ITPR1: variants seen among roughly 807,000 people sequenced by gnomAD.
ITPR1 encodes inositol 1,4,5-trisphosphate-gated calcium channel ITPR1.
In ITPR1, 96 loss-of-function variants were observed where a neutral mutation model predicts 318.4. The ratio of observed to expected loss-of-function variants is 0.30; its 90% CI spans 0.26 to 0.36. ITPR1 has a LOEUF of 0.36. Ranked by LOEUF, ITPR1 falls within the 10% of genes least tolerant of loss-of-function variation. ITPR1 has a pLI of 1.00. For missense variants in ITPR1, 2,440 were observed against 3,460.2 expected, an observed-to-expected ratio of 0.71 and a Z score of 7.40; for synonymous variants, 1,312 against 1,289.9, an observed-to-expected ratio of 1.02 and a Z score of -0.37.
chr3:4,787,888 T>C (rs2047306666), intron 51 of ITPR1, 59 bp from the exon 52 acceptor site: 2 of 1,234,816 alleles, frequency 1.6e-6, no homozygotes, highest in Non-Finnish European at 2.3e-6. Context: ...CAGTAGCAAA[T>C]AGTCTTAGTA....
chr3:4,567,478 C>T (rs922316094), intron 4 of ITPR1, among the ~76,000 whole-genome samples: 1 of 152,084 alleles, frequency 6.6e-6, no homozygotes, highest in Admixed American at 6.5e-5. Context: ...ATGGAACATG[C>T]TAGACTCCAA....
rs201819900 is a variant in ITPR1 at position 4,768,911 on chromosome 3, C to CTT, written c.5979+152_5979+153dup. 220 of 679,610 alleles carry CTT rather than the reference C, an allele frequency of 3.2e-4. 2 individuals carry two copies. Among genetic ancestry groups the CTT allele is most frequent in the South Asian group, 6.1e-4 (25 of 41,034 alleles). The allele number at this position is 679,610 out of a possible 1,614,324, so 42.1% of individuals were successfully genotyped here. A position where few individuals can be genotyped will look rare whatever the true frequency, so the allele number is the denominator to read the frequency against. On this transcript the variant is annotated intron_variant, in intron 46 of 61. Transcript: ENST00000649015. The stretch of plus-strand genomic sequence containing the variant: ...TTCTTTTTTTTCCTTTTTCTTTTTT[C>CTT]TTTTTTCTTTTTTTTTGAGATGGAG...
At position 4,669,525 on chromosome 3, in the gene ITPR1, A is replaced by C. The variant is rs768753771; in HGVS notation, c.1887-129A>C. 1.6e-5 allele frequency: 13 copies of C among 807,358 alleles called. No individual in the cohort carries two copies. The East Asian group carries it at 4.3e-4, about 26-fold the overall frequency. 50.0% of individuals were successfully genotyped at this position (807,358 alleles called of 1,614,324 possible). ...GGTGATGCCATAAACATTGGCATCA[A>C]GACTTAGAATGCTGCTGACATGTCT... On this transcript the variant is annotated intron_variant, in intron 18 of 61. Coordinates refer to ENST00000649015, the MANE Select transcript of ITPR1 (RefSeq NM_001378452.1).
At chr3:4,530,793 A>AACC (rs1249888654) in intron 4 of ITPR1, among the ~76,000 whole-genome samples, 2 of 151,826 alleles carry the variant, frequency 1.3e-5, no homozygotes, top group African/African-American at 2.4e-5. Flanking sequence ...CAACAACAAC[A>AACC]ACCCCTAAAA....
intron 4 of ITPR1, among the ~76,000 whole-genome samples, chr3:4,537,984 A>G (rs2084039821): frequency 6.6e-6 from 1 of 152,100 alleles, no homozygotes; most frequent in South Asian, 2.1e-4. Flanking sequence ...TTTTGGCTTT[A>G]TTAATTCTTT....
chr3:4,593,801 C>T (rs916431994), intron 4 of ITPR1, among the ~76,000 whole-genome samples: 5 of 152,144 alleles, frequency 3.3e-5, no homozygotes, highest in Non-Finnish European at 5.9e-5. Context: ...CAAAGACACA[C>T]AGGATATGGT....
rs1347973326 is a variant in ITPR1, at chr3:4,710,520, G to A, written c.4991+47G>A. On this transcript the variant is annotated intron_variant, in intron 38 of 61. Coordinates refer to ENST00000649015, the MANE Select transcript of ITPR1 (RefSeq NM_001378452.1). The surrounding 1 kb of genome is among the most constrained non-coding windows in gnomAD (Gnocchi z 4.2). Reference sequence around the variant, plus strand: ...GGTGTTCATTTGCCAGAACCTTGATGACCTCACAAAGCTTTTGTTCCCGAA... The same window carrying A: ...GGTGTTCATTTGCCAGAACCTTGATAACCTCACAAAGCTTTTGTTCCCGAA... 2.6e-6 allele frequency: 4 copies of A among 1,530,578 alleles called. No individual in the cohort carries two copies. Among genetic ancestry groups the A allele is most frequent in the African/African-American group, 1.4e-5 (1 of 72,522 alleles). The allele number at this position is 1,530,578 out of a possible 1,614,324, so 94.8% of individuals were successfully genotyped here. A position where few individuals can be genotyped will look rare whatever the true frequency, so the allele number is the denominator to read the frequency against.
At chr3:4,668,474 CT>C (rs1178038594) in intron 18 of ITPR1, among the ~76,000 whole-genome samples, 66 of 145,982 alleles carry the variant, frequency 4.5e-4, no homozygotes, top group Admixed American at 6.2e-4. Context: ...TTCCCTTTTT[CT>C]TTTTTTTTTT....
intron 37 of ITPR1, 93 bp downstream of exon 37, chr3:4,706,444 CTGGGCCG>C: frequency 8.6e-7 from 1 of 1,162,262 alleles, no homozygotes; most frequent in Non-Finnish European, 1.2e-6. Flanking sequence ...AGCATCTAAG[CTGGGCCG>C]TGGGAAGATG....
intron 4 of ITPR1, among the ~76,000 whole-genome samples, chr3:4,539,747 A>C (rs995741336): frequency 6.6e-6 from 1 of 152,094 alleles, no homozygotes; most frequent in Non-Finnish European, 1.5e-5. Context: ...TGGCTTTATA[A>C]GAAGAGGAAG....
At chr3:4,571,707 A>C (rs2125037568) in intron 4 of ITPR1, among the ~76,000 whole-genome samples, 1 of 152,276 alleles carries the variant, frequency 6.6e-6, no homozygotes, top group South Asian at 2.1e-4. Flanking sequence ...TTGGGGGTAA[A>C]GAACAGAAAC....
rs1426895730 is a variant in ITPR1 at position 4,847,082 on chromosome 3, G to C, written c.*857G>C. The stretch of plus-strand genomic sequence containing the variant: ...GTAAATTTTGATGTCGCATTATAAA[G>C]ACATGCATAATTGATGGTTTCTAGA... On this transcript the variant is annotated 3_prime_UTR_variant, in exon 62 of 62. Transcript: ENST00000649015. 3 of 152,544 alleles carry C rather than the reference G, an allele frequency of 2.0e-5. No individual in the cohort carries two copies. Among genetic ancestry groups the C allele is most frequent in the Non-Finnish European group, 4.4e-5 (3 of 68,016 alleles). The allele number at this position is 152,544 out of a possible 1,614,324, so 9.4% of individuals were successfully genotyped here.
Position 4,673,224 on chromosome 3 carries a change from A to T in ITPR1, c.2293A>T (p.Ile765Phe), listed in dbSNP as rs1331881036. ...EISGQLDVDL[I>F]LRCMSDENLP... ...CTCAGGCCAGCTGGATGTCGATCTC[A>T]TTCTCCGCTGCATGTCTGACGAGAA... Residue 765 changes from isoleucine (I) to phenylalanine (F), a missense_variant, in exon 21 of 62, where the codon ATT becomes TTT. Ile to Phe is a conservative substitution (Grantham distance 21). This residue lies in a region of ITPR1 where 478 missense variants were observed against 696.3 expected (regional missense o/e 0.69). Transcript: ENST00000649015. The T allele has an allele frequency of 1.2e-6, 2 of 1,613,754 alleles. No homozygotes were observed. Among genetic ancestry groups the T allele is most frequent in the Non-Finnish European group, 1.7e-6 (2 of 1,179,864 alleles).
intron 60 of ITPR1, among the ~76,000 whole-genome samples, chr3:4,820,734 A>C (rs2049651202): frequency 6.6e-6 from 1 of 152,262 alleles, no homozygotes; most frequent in Non-Finnish European, 1.5e-5. Flanking sequence ...GTGGTGGCTC[A>C]GAGAAGCGTC....
chr3:4,547,555 G>C (rs751456360), intron 4 of ITPR1, among the ~76,000 whole-genome samples: 3 of 152,172 alleles, frequency 2.0e-5, no homozygotes, highest in Non-Finnish European at 4.4e-5. Context: ...CAATATGAAA[G>C]ACTCTGTAAT....
At chr3:4,676,826 A>AG (rs1334901563) in intron 24 of ITPR1, 25 bp downstream of exon 24, 1 of 1,586,222 alleles carries the variant, frequency 6.3e-7, no homozygotes, top group East Asian at 2.2e-5. Context: ...GAGCTGGGGT[A>AG]GGGAGGGTAT....
At chr3:4,573,445 C>A (rs187386652) in intron 4 of ITPR1, among the ~76,000 whole-genome samples, 3 of 152,262 alleles carry the variant, frequency 2.0e-5, no homozygotes, top group Admixed American at 6.5e-5. Flanking sequence ...TCCTTGCCCC[C>A]CTACAGTCTG....
intron 4 of ITPR1, among the ~76,000 whole-genome samples, chr3:4,566,337 G>C (rs187838870): frequency 2.3e-3 from 349 of 152,212 alleles, no homozygotes; most frequent in African/African-American, 7.6e-3. Flanking sequence ...CTGACTTTAT[G>C]TATGAGTAGT....
chr3:4,639,187 A>G (rs1223855600), intron 5 of ITPR1, among the ~76,000 whole-genome samples, 197 bp from the exon 6 acceptor site: 1 of 152,180 alleles, frequency 6.6e-6, no homozygotes, highest in African/African-American at 2.4e-5. Flanking sequence ...GAAGGCAAAA[A>G]GGCCAGCCAA....
Sources: allele counts gnomAD v4.1 joint callset (sites outside exome capture counted in the v4.1 genomes callset), GRCh38; gene constraint gnomAD v4.1.1; regional missense constraint gnomAD v4.1.1; non-coding constraint Gnocchi (gnomAD v3.1); transcripts MANE v1.5; gene names NCBI Gene and HGNC (gene_info 2026-07-23, HGNC 2026-07-21).